ETHE1: variants seen among roughly 807,000 people sequenced by gnomAD.
ETHE1 encodes the protein persulfide dioxygenase ETHE1, mitochondrial.
ETHE1 carries 16 observed loss-of-function variants against 25.7 expected under a neutral mutation model. The observed-to-expected ratio is 0.62, with a 90% CI of 0.42 to 0.95. The LOEUF (loss-of-function observed/expected upper bound fraction) is 0.95. ETHE1 is among the 40% of genes least tolerant of loss of function. ETHE1 has a pLI of 0.00. For missense variants in ETHE1, 300 were observed against 333.6 expected, an observed-to-expected ratio of 0.90 and a Z score of 0.79; for synonymous variants, 139 against 135.9, an observed-to-expected ratio of 1.02 and a Z score of -0.16.
In ETHE1 at chr19:43,508,800, C is replaced by T. The variant is rs1971846780; in HGVS notation, c.570G>A (p.Leu190=). 6.2e-7 allele frequency: 1 copy of T among 1,607,842 alleles called. No homozygotes were observed. The highest frequency in any genetic ancestry group is 8.5e-7 in the Non-Finnish European group (1 of 1,177,538). The change falls in exon 5 of 7, where the codon CTG becomes CTA. Residue 190 remains leucine, a synonymous_variant. Transcript: ENST00000292147. ...EKIFTLPGDC[L]IYPAHDYHGF... ...CATGGTAATCGTGAGCAGGGTAGAT[C>T]AGACAGTCTCCTGGAAGTGTGAAGA...
chr19:43,507,743 TCCCCCAGCCC>T (rs1568490975), intron 6 of ETHE1, 191 bp downstream of exon 6: 22 of 282,826 alleles, frequency 7.8e-5, no homozygotes, highest in African/African-American at 3.0e-4. Flanking sequence ...AGGAGTCCAG[TCCCCCAGCCC>T]CTCCTCCCTT....
At chr19:43,521,933 G>A (rs2146008052) in intron 3 of ETHE1, among the ~76,000 whole-genome samples, 1 of 152,116 alleles carries the variant, frequency 6.6e-6, no homozygotes, top group East Asian at 1.9e-4. Context: ...AGGGTGTAGT[G>A]GCTCATGCCT....
chr19:43,516,365 T>G (rs1972018754), intron 3 of ETHE1, among the ~76,000 whole-genome samples: 1 of 151,956 alleles, frequency 6.6e-6, no homozygotes, highest in East Asian at 1.9e-4. Flanking sequence ...AGTGGTGCGA[T>G]CTCGGCTCAC....
At chr19:43,526,720 T>C in intron 1 of ETHE1, 61 bp from the exon 2 acceptor site, 1 of 1,610,096 alleles carries the variant, frequency 6.2e-7, no homozygotes, top group Non-Finnish European at 8.5e-7. Flanking sequence ...GGAGGCCAAG[T>C]AGTCCAGACT....
intron 4 of ETHE1, among the ~76,000 whole-genome samples, chr19:43,509,685 A>T (rs1005838918): frequency 1.3e-5 from 2 of 151,266 alleles, no homozygotes; most frequent in Admixed American, 1.3e-4. Flanking sequence ...AGTCCCAGCT[A>T]CTCGGGAGGC....
intron 6 of ETHE1, among the ~76,000 whole-genome samples, chr19:43,507,461 T>C (rs372766893): frequency 2.8e-3 from 85 of 29,992 alleles, no homozygotes; most frequent in African/African-American, 3.4e-3. Flanking sequence ...CTCCCTCAGA[T>C]CCAGGAGTCC....
At chr19:43,524,910 C>A (rs1469025929) in intron 3 of ETHE1, among the ~76,000 whole-genome samples, 1 of 151,806 alleles carries the variant, frequency 6.6e-6, no homozygotes, top group African/African-American at 2.4e-5. Context: ...TTTAGGAGGC[C>A]AAGGTAGGAG....
At chr19:43,508,206 A>C in intron 5 of ETHE1, 146 bp from the exon 6 acceptor site, 1 of 1,325,466 alleles carries the variant, frequency 7.5e-7, no homozygotes. Context: ...CTCCATGGAC[A>C]CTATGGGAAA....
rs1452258701 is a variant in ETHE1, at chr19:43,527,149, C to T, written c.29G>A (p.Arg10Gln). The T allele has an allele frequency of 1.3e-6, 2 of 1,547,510 alleles. No individual in the cohort carries two copies. Among genetic ancestry groups the T allele is most frequent in the Non-Finnish European group, 8.7e-7 (1 of 1,150,398 alleles). The change falls in exon 1 of 7, where the codon CGG becomes CAG. Residue 10 changes from arginine (R) to glutamine (Q), a missense_variant. Transcript: ENST00000292147. ...CCCGCCGCGCTGGCTCAGCTGCCGC[C>T]GGGCGACCCTCAGTACAGCCTCCGC... MAEAVLRVARRQLSQRGGSG... is the reference protein window; with the variant it reads MAEAVLRVAQRQLSQRGGSG...
In ETHE1 at chr19:43,526,503, C is replaced by A; in HGVS notation, c.226+12G>T. The A allele has an allele frequency of 6.2e-7, 1 of 1,611,948 alleles. No homozygotes were observed. Among genetic ancestry groups the A allele is most frequent in the South Asian group, 1.1e-5 (1 of 90,740 alleles). ...CCCCGCTGGGATCCATGAGTTTGGT[C>A]CCCGGACTGACCAGCATAGAGCAGC... On this transcript the variant is annotated intron_variant, in intron 2 of 6. Coordinates refer to ENST00000292147, the MANE Select transcript of ETHE1 (RefSeq NM_014297.5).
rs1225121701 is a variant in ETHE1, at chr19:43,519,240, G to C, written c.375+6961C>G. ...TTGGCCAGGCTGATCTCAAACTCCT[G>C]ACCTCGGGTGATCCGCACACCTCGG... On this transcript the variant is annotated intron_variant, in intron 3 of 6. Coordinates refer to ENST00000292147, the MANE Select transcript of ETHE1 (RefSeq NM_014297.5). Among the ~76,000 whole-genome samples, 4 of 151,850 alleles carry C rather than the reference G, an allele frequency of 2.6e-5. No homozygotes were observed. The East Asian group carries it at 5.8e-4, about 22-fold the overall frequency.
intron 4 of ETHE1, among the ~76,000 whole-genome samples, chr19:43,510,206 T>C (rs1038144573): frequency 1.3e-5 from 2 of 152,274 alleles, no homozygotes; most frequent in East Asian, 3.9e-4. Flanking sequence ...AACCCTGAGA[T>C]TCTGAAACTA....
intron 3 of ETHE1, among the ~76,000 whole-genome samples, chr19:43,518,513 G>A (rs533039250): frequency 9.9e-5 from 15 of 152,082 alleles, no homozygotes; most frequent in Admixed American, 7.9e-4. Context: ...TTGGGAGGCC[G>A]AGACGGGCGG....
intron 5 of ETHE1, 82 bp from the exon 6 acceptor site, chr19:43,508,142 G>A: frequency 8.8e-6 from 14 of 1,585,910 alleles, no homozygotes; most frequent in Admixed American, 1.8e-5. Flanking sequence ...GGAGGCCTTG[G>A]GTGCCTCTCT....
rs543021692 is a variant in ETHE1, at chr19:43,509,129, T to C, written c.506-265A>G. 3.3e-5 allele frequency among the ~76,000 whole-genome samples: 5 copies of C among 152,254 alleles called. No individual in the cohort carries two copies. In the South Asian group the frequency reaches 8.3e-4, roughly 25 times the overall value. ...CACCGTGAAGCACCAAAGAGTGTCATTTGTGACCTTGGCTGTCACCCAGGG... is the reference window on the plus strand; with the variant it reads ...CACCGTGAAGCACCAAAGAGTGTCACTTGTGACCTTGGCTGTCACCCAGGG... On this transcript the variant is annotated intron_variant, in intron 4 of 6. Transcript: ENST00000292147.
intron 3 of ETHE1, 132 bp downstream of exon 3, chr19:43,526,069 C>T (rs1972237271): frequency 3.6e-6 from 5 of 1,393,210 alleles, no homozygotes. Context: ...AATATGAGCT[C>T]AGGGGTCAGA....
At chr19:43,508,642 C>T (rs1380004590) in intron 5 of ETHE1, 133 bp downstream of exon 5, 2 of 808,898 alleles carry the variant, frequency 2.5e-6, no homozygotes, top group Admixed American at 2.0e-5. Flanking sequence ...CTTGCCCAGC[C>T]TCAAACACTT....
At chr19:43,521,674 A>C (rs1972141347) in intron 3 of ETHE1, among the ~76,000 whole-genome samples, 1 of 145,860 alleles carries the variant, frequency 6.9e-6, no homozygotes, top group South Asian at 2.2e-4. Flanking sequence ...TGTCTCTAAA[A>C]AAAAAAAAAA....
At chr19:43,507,306 T>C (rs192719848) in intron 6 of ETHE1, among the ~76,000 whole-genome samples, 7,665 of 73,712 alleles carry the variant, frequency 0.1, 10 homozygotes, top group Non-Finnish European at 0.12. Flanking sequence ...GACCCAGGAG[T>C]CCAGGCCCCC....
Sources: allele counts gnomAD v4.1 joint callset (sites outside exome capture counted in the v4.1 genomes callset), GRCh38; gene constraint gnomAD v4.1.1; transcripts MANE v1.5; gene names NCBI Gene and HGNC (gene_info 2026-07-23, HGNC 2026-07-21).